The following ARPC1A variants were observed in gnomAD, a reference collection of about 807,000 sequenced individuals.
ARPC1A encodes the protein actin related protein 2/3 complex subunit 1A, also known as actin-related protein 2/3 complex subunit 1A.
Under a neutral mutation model 46.9 loss-of-function variants are expected in ARPC1A, and 8 were observed. That is an observed-to-expected ratio of 0.17 (90% CI 0.10 to 0.31). ARPC1A has a LOEUF of 0.31. Ranked by LOEUF, ARPC1A falls within the 10% of genes least tolerant of loss-of-function variation. The pLI is 1.00. For missense variants in ARPC1A, 286 were observed against 483.6 expected, an observed-to-expected ratio of 0.59 and a Z score of 3.83; for synonymous variants, 152 against 169.0, an observed-to-expected ratio of 0.90 and a Z score of 0.78.
intron 3 of ARPC1A, 151 bp downstream of exon 3, chr7:99,338,436 A>G: frequency 2.0e-6 from 1 of 505,376 alleles, no homozygotes; most frequent in Non-Finnish European, 3.2e-6. Context: ...CCCAGGCTGG[A>G]CTGCAATGGC....
At chr7:99,358,596 C>T (rs1793683285) in intron 7 of ARPC1A, 181 bp downstream of exon 7, 1 of 563,010 alleles carries the variant, frequency 1.8e-6, no homozygotes, top group Non-Finnish European at 3.0e-6. Context: ...GGCTGGAGTG[C>T]AATGGGTGAT....
chr7:99,354,905 G>T (rs1326531623), intron 6 of ARPC1A, among the ~76,000 whole-genome samples: 1 of 152,128 alleles, frequency 6.6e-6, no homozygotes, highest in African/African-American at 2.4e-5. Context: ...TTGAGGTCGG[G>T]AGTTTGAGAC....
chr7:99,354,975 G>C (rs1212430406), intron 6 of ARPC1A, among the ~76,000 whole-genome samples: 1 of 152,114 alleles, frequency 6.6e-6, no homozygotes, highest in Non-Finnish European at 1.5e-5. Flanking sequence ...TTAGCTGGAC[G>C]TGGTGGCACA....
Position 99,344,527 on chromosome 7 carries a change from C to G in ARPC1A, c.392+12C>G. The G allele has an allele frequency of 6.2e-7, 1 of 1,613,042 alleles. No homozygotes were observed. The highest frequency in any genetic ancestry group is 8.5e-7 in the Non-Finnish European group (1 of 1,179,090). On this transcript the variant is annotated intron_variant, in intron 4 of 9. Transcript: ENST00000262942. ...TCTGAAAATGACTGGTGAGTGACAT[C>G]TGAATTTTTTCTATCCCTCTCTATA...
Position 99,358,435 on chromosome 7 carries a change from C to A in ARPC1A, c.789+20C>A. ...GCTGCTGTGAGTATTTTTCTTCATT[C>A]TCCCTCGGGGTGCACTGTATGTGAT... On this transcript the variant is annotated intron_variant, in intron 7 of 9. Transcript: ENST00000262942. 1 of 1,608,574 alleles carries A rather than the reference C, an allele frequency of 6.2e-7. No homozygotes were observed. The highest frequency in any genetic ancestry group is 8.5e-7 in the Non-Finnish European group (1 of 1,175,316).
At position 99,365,994 on chromosome 7, in the gene ARPC1A, G is replaced by A. The variant is rs949080163; in HGVS notation, c.*65G>A. The A allele has an allele frequency of 2.8e-5, 42 of 1,517,870 alleles. No homozygotes were observed. The highest frequency in any genetic ancestry group is 3.6e-5 in the South Asian group (3 of 83,574). 94.0% of individuals were successfully genotyped at this position (1,517,870 alleles called of 1,614,324 possible). A position where few individuals can be genotyped will look rare whatever the true frequency, so the allele number is the denominator to read the frequency against. ...GCCGACCGCAGCTGTGCCGTGGCAC[G>A]ATGGCGAGGAAGCCAGCCCCAAGGA... On this transcript the variant is annotated 3_prime_UTR_variant, in exon 10 of 10. Transcript: ENST00000262942.
intron 5 of ARPC1A, 44 bp from the exon 6 acceptor site, chr7:99,353,865 A>G (rs1266263151): frequency 2.5e-6 from 4 of 1,580,638 alleles, no homozygotes. Flanking sequence ...CTATATACAT[A>G]TATTTTCATT....
rs1053079824 is a variant in ARPC1A, at chr7:99,338,295, G to C, written c.169+10G>C. 6.4e-7 allele frequency: 1 copy of C among 1,562,540 alleles called. No individual in the cohort carries two copies. The highest frequency in any genetic ancestry group is 8.8e-7 in the Non-Finnish European group (1 of 1,141,458). On this transcript the variant is annotated intron_variant, in intron 3 of 9. Transcript: ENST00000262942. ...AACGGACACATCACAGGTAAAGGAA[G>C]ATAGCCGTGAGCTTAGTGTGATATT...
chr7:99,358,404 G>C lies in ARPC1A; in HGVS notation c.778G>C (p.Val260Leu), dbSNP rs201570380. Residue 260 changes from valine (V) to leucine (L), a missense_variant, in exon 7 of 10, where the codon GTC (valine) becomes CTC (leucine). Val to Leu is a conservative substitution (Grantham distance 32, BLOSUM62 1). Transcript: ENST00000262942. ...LSVSFVSENS[V>L]VAAGHDCCPM... ...TGTGTCATTTGTCTCAGAGAACAGC[G>C]TCGTGGCTGCTGTGAGTATTTTTCT... 1.3e-5 allele frequency: 21 copies of C among 1,614,076 alleles called. No homozygotes were observed. In the African/African-American group the frequency reaches 2.8e-4, roughly 22 times the overall value.
At chr7:99,331,629 G>A (rs1793145296) in intron 1 of ARPC1A, among the ~76,000 whole-genome samples, 1 of 152,008 alleles carries the variant, frequency 6.6e-6, no homozygotes, top group Non-Finnish European at 1.5e-5. Context: ...TTTAAAATGT[G>A]GATTATGGGC....
chr7:99,363,388 T>C, intron 8 of ARPC1A, 155 bp from the exon 9 acceptor site: 2 of 629,662 alleles, frequency 3.2e-6, no homozygotes, highest in Non-Finnish European at 5.5e-6. Flanking sequence ...AAGACCAGCT[T>C]GGGCAACATA....
At chr7:99,355,348 T>C (rs552717213) in intron 6 of ARPC1A, among the ~76,000 whole-genome samples, 4 of 152,046 alleles carry the variant, frequency 2.6e-5, no homozygotes, top group South Asian at 4.2e-4. Flanking sequence ...GGTTGGAAAA[T>C]TTTAAAGACC....
intron 1 of ARPC1A, among the ~76,000 whole-genome samples, chr7:99,327,463 A>G (rs1584372030): frequency 6.7e-6 from 1 of 149,082 alleles, no homozygotes; most frequent in Admixed American, 6.7e-5. Context: ...GGCATGAGCC[A>G]CTGCGCCTGG....
At chr7:99,351,830 G>A (rs1486335659) in intron 5 of ARPC1A, among the ~76,000 whole-genome samples, 8 of 152,128 alleles carry the variant, frequency 5.3e-5, no homozygotes, top group South Asian at 2.1e-4. Context: ...ATTGGAGGGC[G>A]AAAGGGCCCT....
At chr7:99,358,653 G>T (rs961544576) in intron 7 of ARPC1A, 1 of 447,552 alleles carries the variant, frequency 2.2e-6, no homozygotes, top group East Asian at 4.4e-5. Context: ...CGATTCTCCC[G>T]CCTCAGCCTC....
intron 3 of ARPC1A, 58 bp from the exon 4 acceptor site, chr7:99,344,235 G>T: frequency 6.4e-7 from 1 of 1,557,026 alleles, no homozygotes. Flanking sequence ...CCACCTGCCT[G>T]TGCCGCAGTT....
intron 2 of ARPC1A, among the ~76,000 whole-genome samples, chr7:99,333,675 C>A (rs943247246): frequency 6.6e-6 from 1 of 152,172 alleles, no homozygotes; most frequent in Non-Finnish European, 1.5e-5. Flanking sequence ...TAAGCTGTTT[C>A]AGAGACAAGT....
intron 8 of ARPC1A, 23 bp downstream of exon 8, chr7:99,359,761 T>G (rs1228175347): frequency 6.2e-7 from 1 of 1,613,278 alleles, no homozygotes; most frequent in Non-Finnish European, 8.5e-7. Flanking sequence ...TGTAGAGAGG[T>G]GGTCAGGTGA....
intron 7 of ARPC1A, among the ~76,000 whole-genome samples, chr7:99,359,143 G>C (rs900983825): frequency 6.7e-6 from 1 of 149,176 alleles, no homozygotes; most frequent in African/African-American, 2.4e-5. Flanking sequence ...TCACTTTTAA[G>C]AGTAAGAGGG....
Sources: gnomAD v4.1 joint callset for allele counts (sites outside exome capture counted in the v4.1 genomes callset) on GRCh38, gnomAD v4.1.1 for gene constraint, MANE v1.5 for transcripts, NCBI Gene and HGNC (gene_info 2026-07-23, HGNC 2026-07-21) for gene names.